CCDC7: variants seen among roughly 807,000 people sequenced by gnomAD.
CCDC7 encodes coiled-coil domain containing 7, also known as coiled-coil domain-containing protein 7.
A neutral mutation model predicts 196.9 loss-of-function variants in CCDC7; 183 were observed. The observed-to-expected ratio is 0.93, with a 90% CI of 0.82 to 1.05. The LOEUF (loss-of-function observed/expected upper bound fraction) is 1.05, where lower values mean the gene tolerates loss of function less well. CCDC7 is among the 50% of genes least tolerant of loss of function. CCDC7 has a pLI of 0.00. For missense variants in CCDC7, 1,540 were observed against 1,482.2 expected, an observed-to-expected ratio of 1.04 and a Z score of -0.64; for synonymous variants, 525 against 484.6, an observed-to-expected ratio of 1.08 and a Z score of -1.10.
At chr10:32,642,560 C>T (rs560987225) in intron 20 of CCDC7, among the ~76,000 whole-genome samples, 1 of 152,266 alleles carries the variant, frequency 6.6e-6, no homozygotes, top group South Asian at 2.1e-4. Flanking sequence ...GGGTGCCACC[C>T]TTTCTTTGAC....
intron 28 of CCDC7, among the ~76,000 whole-genome samples, chr10:32,771,480 C>T (rs2079147786): frequency 6.6e-6 from 1 of 152,200 alleles, no homozygotes. Flanking sequence ...AATATGGTTT[C>T]TGCTGAGAAA....
At chr10:32,492,644 A>T (rs2134525673) in intron 9 of CCDC7, among the ~76,000 whole-genome samples, 1 of 152,244 alleles carries the variant, frequency 6.6e-6, no homozygotes, top group East Asian at 1.9e-4. Flanking sequence ...TGTCAACTTC[A>T]TAGACACAGA....
chr10:32,496,170 A>C (rs1344071733), intron 9 of CCDC7, among the ~76,000 whole-genome samples: 2 of 151,782 alleles, frequency 1.3e-5, no homozygotes, highest in Admixed American at 1.3e-4. Context: ...ATGGGAGTTC[A>C]CTCATGATTT....
intron 29 of CCDC7, among the ~76,000 whole-genome samples, chr10:32,803,935 G>A (rs571462174): frequency 6.6e-6 from 1 of 152,030 alleles, no homozygotes; most frequent in South Asian, 2.1e-4. Flanking sequence ...CCATTTAATT[G>A]AACACTTTAA....
intron 32 of CCDC7, 106 bp from the exon 34 acceptor site, chr10:32,834,709 G>A: frequency 2.0e-6 from 1 of 494,086 alleles, no homozygotes; most frequent in Middle Eastern, 5.7e-4. Context: ...TGCTAATTAA[G>A]TTATTACTAT....
chr10:32,859,635 T>C (rs554650921), intron 41 of CCDC7, among the ~76,000 whole-genome samples: 1 of 152,204 alleles, frequency 6.6e-6, no homozygotes, highest in South Asian at 2.1e-4. Context: ...GTTGGTTTTC[T>C]TGAAAAGATC....
chr10:32,841,466 G>T (rs947234978), intron 33 of CCDC7, among the ~76,000 whole-genome samples: 1 of 152,002 alleles, frequency 6.6e-6, no homozygotes, highest in African/African-American at 2.4e-5. Flanking sequence ...GGACGTGAAA[G>T]ACCTCTACAA....
intron 9 of CCDC7, among the ~76,000 whole-genome samples, chr10:32,497,313 T>C (rs777277108): frequency 1.3e-5 from 2 of 152,222 alleles, no homozygotes; most frequent in Admixed American, 1.3e-4. Flanking sequence ...TAGCAGTCTA[T>C]CTATTTTGTT....
At chr10:32,829,945 T>C (rs2091920416) in intron 32 of CCDC7, among the ~76,000 whole-genome samples, 1 of 151,072 alleles carries the variant, frequency 6.6e-6, no homozygotes, top group African/African-American at 2.4e-5. Flanking sequence ...TACATCTTTA[T>C]CCTGTGCTGG....
At chr10:32,879,218 T>TA (rs2094700612), downstream of CCDC7, among the ~76,000 whole-genome samples, 1 of 152,144 alleles carries the variant, frequency 6.6e-6, no homozygotes, top group South Asian at 2.1e-4. Flanking sequence ...TATAAATATA[T>TA]ATGTTTGAAA....
At chr10:32,644,197 G>C (rs1311313235) in intron 20 of CCDC7, among the ~76,000 whole-genome samples, 1 of 152,080 alleles carries the variant, frequency 6.6e-6, no homozygotes, top group African/African-American at 2.4e-5. Context: ...CATTTTTATG[G>C]TAATAACATT....
At position 32,779,970 on chromosome 10, in the gene CCDC7, T is replaced by G. The variant is rs550777210; in HGVS notation, c.3013+886T>G. The stretch of plus-strand genomic sequence containing the variant: ...GTTAAAACTTCTAGGCTGGGCGCAG[T>G]GGCTCACGCCTGTAATCCAAGCACT... On this transcript the variant is annotated intron_variant, in intron 29 of 41. Transcript: ENST00000639629. 1.5e-3 allele frequency among the ~76,000 whole-genome samples: 227 copies of G among 152,342 alleles called. 2 individuals carry two copies. Among genetic ancestry groups the G allele is most frequent in the African/African-American group, 5.2e-3 (216 of 41,570 alleles).
At chr10:32,815,764 C>G (rs540249865) in intron 31 of CCDC7, among the ~76,000 whole-genome samples, 1 of 152,014 alleles carries the variant, frequency 6.6e-6, no homozygotes, top group Non-Finnish European at 1.5e-5. Flanking sequence ...CAATTCATCC[C>G]GTAGAAGAGA....
intron 28 of CCDC7, among the ~76,000 whole-genome samples, chr10:32,744,396 C>T (rs1467275428): frequency 6.6e-6 from 1 of 151,058 alleles, no homozygotes; most frequent in Non-Finnish European, 1.5e-5. Flanking sequence ...AAAGAAACAG[C>T]CAAAGTGTCT....
At chr10:32,824,676 T>A (rs1414917363) in intron 32 of CCDC7, 72 bp downstream of exon 33, 1 of 956,274 alleles carries the variant, frequency 1.0e-6, no homozygotes. Context: ...GTATCTCTAA[T>A]GACAACAGTA....
chr10:32,751,107 C>T (rs2075589056), intron 28 of CCDC7, among the ~76,000 whole-genome samples: 1 of 152,100 alleles, frequency 6.6e-6, no homozygotes, highest in Non-Finnish European at 1.5e-5. Flanking sequence ...TCTTTGCCTC[C>T]ACCTTGGCTG....
At chr10:32,796,065 T>C (rs1324839082) in intron 29 of CCDC7, among the ~76,000 whole-genome samples, 4 of 152,282 alleles carry the variant, frequency 2.6e-5, no homozygotes, top group African/African-American at 9.6e-5. Context: ...ATAGGCTTAC[T>C]TCTCCCTCTG....
chr10:32,742,394 A>G lies in CCDC7; in HGVS notation c.2905+12937A>G, dbSNP rs377690704. Among the ~76,000 whole-genome samples, 272 of 152,280 alleles carry G rather than the reference A, an allele frequency of 1.8e-3. 2 individuals carry two copies. Among genetic ancestry groups the G allele is most frequent in the African/African-American group, 5.0e-3 (206 of 41,552 alleles). On this transcript the variant is annotated intron_variant, in intron 28 of 41. Coordinates refer to ENST00000639629, the Ensembl canonical transcript of CCDC7. ...TTTAGGGTTCACTGTTGGTGTTCGT[A>G]TTCTGGGTTTTGACAAATGTGTGAT...
intron 24 of CCDC7, among the ~76,000 whole-genome samples, chr10:32,695,198 C>G (rs565046155): frequency 6.6e-6 from 1 of 152,120 alleles, no homozygotes; most frequent in Non-Finnish European, 1.5e-5. Flanking sequence ...ATGGCATGCT[C>G]ATGTGCTCGG....
Sources: allele counts gnomAD v4.1 joint callset (sites outside exome capture counted in the v4.1 genomes callset), GRCh38; gene constraint gnomAD v4.1.1; transcripts MANE v1.5; gene names NCBI Gene and HGNC (gene_info 2026-07-23, HGNC 2026-07-21).